Variants in CALN1 observed in about 807,000 individuals in gnomAD.
CALN1 encodes the protein calneuron 1.
In CALN1, 17 loss-of-function variants were observed where a neutral mutation model predicts 30.6. That is an observed-to-expected ratio of 0.56 (90% CI 0.38 to 0.83). The LOEUF is 0.83. Among genes scored for constraint, CALN1 ranks in the 40% least tolerant of loss-of-function variants. The probability of loss-of-function intolerance (pLI) is 0.00; values close to 1 mark genes in which losing one functional copy is unlikely to be tolerated. For synonymous variants in CALN1, 156 were observed against 131.4 expected, an observed-to-expected ratio of 1.19 and a Z score of -1.28; for missense variants, 291 against 354.9, an observed-to-expected ratio of 0.82 and a Z score of 1.45.
intron 3 of CALN1, among the ~76,000 whole-genome samples, chr7:72,238,212 A>G (rs1032549917): frequency 9.9e-5 from 15 of 152,198 alleles, no homozygotes; most frequent in Non-Finnish European, 1.9e-4. Flanking sequence ...TATGATAGTT[A>G]CAAGAGCACA....
chr7:71,908,413 T>C (rs921561613), intron 5 of CALN1, among the ~76,000 whole-genome samples: 3 of 152,286 alleles, frequency 2.0e-5, no homozygotes, highest in Admixed American at 6.5e-5. Context: ...CAATGCGAAG[T>C]GAAGACAGAA....
At chr7:72,184,562 T>C (rs966108299) in intron 3 of CALN1, among the ~76,000 whole-genome samples, 1 of 152,230 alleles carries the variant, frequency 6.6e-6, no homozygotes, top group Non-Finnish European at 1.5e-5. Flanking sequence ...TAGTATTACA[T>C]CATGTTACCT....
At chr7:72,413,053 G>T (rs12540434), upstream of CALN1, among the ~76,000 whole-genome samples, 1 of 152,026 alleles carries the variant, frequency 6.6e-6, no homozygotes. Context: ...GGGCTCACCC[G>T]GGGGGTTTGC....
At chr7:72,074,036 T>TG (rs1421815078) in intron 4 of CALN1, among the ~76,000 whole-genome samples, 1 of 152,080 alleles carries the variant, frequency 6.6e-6, no homozygotes, top group East Asian at 1.9e-4. Context: ...ACCTATTAGG[T>TG]GCAAGGAGTC....
At chr7:72,373,928 T>G (rs1017520271) in intron 2 of CALN1, among the ~76,000 whole-genome samples, 3 of 152,250 alleles carry the variant, frequency 2.0e-5, no homozygotes, top group Middle Eastern at 3.4e-3. Context: ...ATTTCTCACG[T>G]GGAATCATGA....
intron 2 of CALN1, among the ~76,000 whole-genome samples, chr7:72,398,231 G>A: frequency 6.6e-6 from 1 of 152,188 alleles, no homozygotes; most frequent in East Asian, 1.9e-4. Context: ...TCACTGTGCA[G>A]GACCTTCCGT....
At position 71,898,079 on chromosome 7, in the gene CALN1, G is replaced by A. The variant is rs576082224; in HGVS notation, c.502-87587C>T. On this transcript the variant is annotated intron_variant, in intron 5 of 6. Coordinates refer to ENST00000395275, the MANE Select transcript of CALN1 (RefSeq NM_031468.4). ...ATTGGAAACTATCAGAAAGAACACA[G>A]ACATTGCAAATAAAGAAAAATAGTT... 3.5e-5 allele frequency among the ~76,000 whole-genome samples: 5 copies of A among 144,804 alleles called. No individual in the cohort carries two copies. The South Asian group carries it at 1.1e-3, about 33-fold the overall frequency. The allele number at this position is 144,804 out of a possible 152,430, so 95.0% of individuals were successfully genotyped here.
At chr7:71,912,327 TAACAGACAGTGCCCTGCCA>T (rs1339857801) in intron 5 of CALN1, among the ~76,000 whole-genome samples, 1 of 152,086 alleles carries the variant, frequency 6.6e-6, no homozygotes, top group Non-Finnish European at 1.5e-5. Flanking sequence ...CAGTTGATGA[TAACAGACAGTGCCCTGCCA>T]AACCAAAGTT....
At chr7:71,931,740 G>T (rs922401306) in intron 5 of CALN1, among the ~76,000 whole-genome samples, 2 of 152,214 alleles carry the variant, frequency 1.3e-5, no homozygotes, top group African/African-American at 4.8e-5. Context: ...GTTAGACAGG[G>T]ATTCTCTTTG....
Position 72,063,718 on chromosome 7 carries a change from A to G in CALN1, c.389-39949T>C, listed in dbSNP as rs148438050. Among the ~76,000 whole-genome samples the G allele has an allele frequency of 3.1e-4, 47 of 152,320 alleles. No individual in the cohort carries two copies. In the East Asian group the frequency reaches 9.1e-3, roughly 29 times the overall value. ...CCTAAAATCTGAAATCAGAAATGCT[A>G]AACAATCTGAAACATTTTGAGTGAC... On this transcript the variant is annotated intron_variant, in intron 4 of 6. Coordinates refer to ENST00000395275, the MANE Select transcript of CALN1 (RefSeq NM_031468.4).
At chr7:71,897,982 A>C (rs1243258454) in intron 5 of CALN1, among the ~76,000 whole-genome samples, 6 of 121,108 alleles carry the variant, frequency 5.0e-5, no homozygotes, top group African/African-American at 1.9e-4. Context: ...CAAAAAAAAA[A>C]AAAAAAAAAA....
At chr7:72,340,220 A>C (rs1186476946) in intron 2 of CALN1, among the ~76,000 whole-genome samples, 1 of 152,152 alleles carries the variant, frequency 6.6e-6, no homozygotes, top group African/African-American at 2.4e-5. Context: ...ACTAATCACA[A>C]ATCAGAAAAT....
At chr7:72,335,741 G>C (rs1039617002) in intron 2 of CALN1, among the ~76,000 whole-genome samples, 2 of 152,196 alleles carry the variant, frequency 1.3e-5, no homozygotes, top group Non-Finnish European at 2.9e-5. Flanking sequence ...CAAGAAAAAA[G>C]AGCAGTGGGA....
chr7:72,286,134 A>G (rs909765963), intron 2 of CALN1, among the ~76,000 whole-genome samples: 1 of 152,212 alleles, frequency 6.6e-6, no homozygotes, highest in African/African-American at 2.4e-5. Context: ...AGAGTCAGAT[A>G]GTACAGGGAT....
chr7:72,070,163 T>C (rs1314572448), intron 4 of CALN1, among the ~76,000 whole-genome samples: 1 of 152,170 alleles, frequency 6.6e-6, no homozygotes, highest in Non-Finnish European at 1.5e-5. Context: ...AAAACTAGTT[T>C]GGTCAGTCAA....
chr7:72,191,957 C>CA (rs1299598092), intron 3 of CALN1, among the ~76,000 whole-genome samples: 1 of 151,470 alleles, frequency 6.6e-6, no homozygotes, highest in Non-Finnish European at 1.5e-5. Flanking sequence ...CCTTTAATGG[C>CA]AAAAAACTTC....
intron 5 of CALN1, among the ~76,000 whole-genome samples, chr7:71,959,285 G>A (rs1797118974): frequency 6.6e-6 from 1 of 152,230 alleles, no homozygotes; most frequent in Non-Finnish European, 1.5e-5. Context: ...TAGCAACATT[G>A]TGATCAGTTC....
chr7:71,929,790 C>T (rs7805132), intron 5 of CALN1, among the ~76,000 whole-genome samples: 101 of 152,162 alleles, frequency 6.6e-4, no homozygotes, highest in African/African-American at 2.4e-3. Flanking sequence ...GGTAATTGTT[C>T]AGCCGTTTGA....
intron 2 of CALN1, among the ~76,000 whole-genome samples, chr7:72,335,612 C>A (rs1323113717): frequency 1.3e-5 from 2 of 152,236 alleles, no homozygotes; most frequent in African/African-American, 2.4e-5. Context: ...CGGCTCAGGG[C>A]CTGGGGATGG....
Sources: allele counts gnomAD v4.1 joint callset (sites outside exome capture counted in the v4.1 genomes callset), GRCh38; gene constraint gnomAD v4.1.1; transcripts MANE v1.5; gene names NCBI Gene and HGNC (gene_info 2026-07-23, HGNC 2026-07-21).